The following HSPA12A variants were observed in gnomAD, a reference collection of about 807,000 sequenced individuals.
HSPA12A encodes the protein heat shock protein family A (Hsp70) member 12A, also known as heat shock 70 kDa protein 12A.
Under a neutral mutation model 69.2 loss-of-function variants are expected in HSPA12A, and 28 were observed. That is an observed-to-expected ratio of 0.40 (90% CI 0.30 to 0.55). The LOEUF is 0.55. Ranked by LOEUF, HSPA12A falls within the 20% of genes least tolerant of loss-of-function variation. HSPA12A has a pLI of 0.38. For synonymous variants in HSPA12A, 345 were observed against 370.5 expected (o/e 0.93, Z 0.79); for missense variants, 686 against 900.7 (o/e 0.76, Z 3.05).
chr10:116,834,808 C>T (rs1299295446), intron 2 of HSPA12A: 7 of 417,484 alleles, frequency 1.7e-5, no homozygotes, highest in Non-Finnish European at 2.3e-5. Flanking sequence ...TGGCAAACAT[C>T]TTACACGTGC....
At chr10:116,709,148 C>A (rs1850348409) in intron 1 of HSPA12A, among the ~76,000 whole-genome samples, 1 of 152,142 alleles carries the variant, frequency 6.6e-6, no homozygotes, top group Admixed American at 6.5e-5. Flanking sequence ...CAGTGTCCAA[C>A]AACAGATGAA....
intron 1 of HSPA12A, among the ~76,000 whole-genome samples, chr10:116,718,285 C>T (rs1187023505): frequency 2.0e-5 from 3 of 152,226 alleles, no homozygotes; most frequent in African/African-American, 7.2e-5. Flanking sequence ...AATCTTTCAC[C>T]TCCCAAACAC....
At chr10:116,823,763 C>T (rs1376010014) in intron 2 of HSPA12A, among the ~76,000 whole-genome samples, 1 of 151,846 alleles carries the variant, frequency 6.6e-6, no homozygotes, top group Non-Finnish European at 1.5e-5. Context: ...CACAAAAAGC[C>T]GAAACGTTAA....
At chr10:116,722,295 T>C (rs1211110704) in intron 1 of HSPA12A, among the ~76,000 whole-genome samples, 1 of 152,202 alleles carries the variant, frequency 6.6e-6, no homozygotes, top group Non-Finnish European at 1.5e-5. Context: ...AAGATGTCTG[T>C]GCCCACGGTG....
chr10:116,678,755 T>C (rs1326107803), intron 10 of HSPA12A, among the ~76,000 whole-genome samples: 1 of 152,196 alleles, frequency 6.6e-6, no homozygotes, highest in Non-Finnish European at 1.5e-5. Flanking sequence ...ATTTCTAAGA[T>C]TTGCTTTAAA....
chr10:116,763,206 C>A (rs2133104568), intron 2 of HSPA12A, among the ~76,000 whole-genome samples: 1 of 152,222 alleles, frequency 6.6e-6, no homozygotes, highest in South Asian at 2.1e-4. Context: ...ACTTAGTATT[C>A]AACTTGAACT....
At chr10:116,702,656 T>C (rs1159448774) in intron 3 of HSPA12A, among the ~76,000 whole-genome samples, 2 of 152,172 alleles carry the variant, frequency 1.3e-5, no homozygotes, top group Non-Finnish European at 2.9e-5. Flanking sequence ...ACAAATGGAA[T>C]TGTCATTAAC....
intron 2 of HSPA12A, among the ~76,000 whole-genome samples, chr10:116,795,549 G>C (rs1390406825): frequency 6.6e-6 from 1 of 150,820 alleles, no homozygotes; most frequent in Non-Finnish European, 1.5e-5. Flanking sequence ...AGCCAGGCGT[G>C]GTGGAACGTG....
intron 1 of HSPA12A, among the ~76,000 whole-genome samples, chr10:116,732,733 T>G (rs561231947): frequency 5.1e-4 from 78 of 152,356 alleles, no homozygotes; most frequent in Non-Finnish European, 9.3e-4. Context: ...TAACTCCTGC[T>G]GGAGGGACAA....
intron 1 of HSPA12A, among the ~76,000 whole-genome samples, chr10:116,838,217 A>G (rs577137674): frequency 1.3e-5 from 2 of 151,632 alleles, no homozygotes; most frequent in South Asian, 2.1e-4. Flanking sequence ...AGCTTGGACT[A>G]TCGAGGCTGG....
At chr10:116,776,005 T>TACCTGCCATCCTCTGCGTCC (rs1554891080) in intron 2 of HSPA12A, among the ~76,000 whole-genome samples, 1 of 152,204 alleles carries the variant, frequency 6.6e-6, no homozygotes, top group Non-Finnish European at 1.5e-5. Context: ...GCTTTGGGTC[T>TACCTGCCATCCTCTGCGTCC]ACCTGCCATC....
At position 116,690,829 on chromosome 10, in the gene HSPA12A, A is replaced by G. The variant is rs149079214; in HGVS notation, c.663+1522T>C. Among the ~76,000 whole-genome samples the G allele has an allele frequency of 9.1e-3, 1,379 of 152,126 alleles. 21 individuals carry two copies. The highest frequency in any genetic ancestry group is 0.011 in the Non-Finnish European group (766 of 67,976). On this transcript the variant is annotated intron_variant, in intron 6 of 11. Coordinates refer to ENST00000369209, the MANE Select transcript of HSPA12A (RefSeq NM_025015.3). ...TTTTTTTTTCAGGCTATAAATAAGA[A>G]TTGACCTTTTCGTGGGTCACACATT...
chr10:116,811,929 C>T (rs758817164), intron 2 of HSPA12A, among the ~76,000 whole-genome samples: 35 of 152,202 alleles, frequency 2.3e-4, no homozygotes, highest in Non-Finnish European at 7.3e-5. Context: ...AGCCCTCCCT[C>T]AATGGCGGCG....
At chr10:116,689,138 C>A (rs1849662777) in intron 6 of HSPA12A, among the ~76,000 whole-genome samples, 1 of 152,064 alleles carries the variant, frequency 6.6e-6, no homozygotes, top group Admixed American at 6.6e-5. Context: ...AGCAGAGGCT[C>A]CAGAACTCCA....
intron 2 of HSPA12A, among the ~76,000 whole-genome samples, chr10:116,762,957 C>T (rs1327194205): frequency 6.6e-6 from 1 of 152,186 alleles, no homozygotes; most frequent in African/African-American, 2.4e-5. Context: ...TCATCCTTAT[C>T]TTGAACAAAA....
chr10:116,799,728 C>A (rs1408693889), intron 2 of HSPA12A, among the ~76,000 whole-genome samples: 1 of 152,202 alleles, frequency 6.6e-6, no homozygotes, highest in East Asian at 1.9e-4. Context: ...TGGTCTATCT[C>A]TCCTCAAGAC....
intron 2 of HSPA12A, among the ~76,000 whole-genome samples, chr10:116,804,543 GC>G (rs1443220455): frequency 2.0e-5 from 3 of 151,506 alleles, no homozygotes; most frequent in Admixed American, 6.6e-5. Context: ...TTTACCCCCA[GC>G]CCCCAGCCCC....
chr10:116,773,525 C>T (rs1844261612), intron 2 of HSPA12A, among the ~76,000 whole-genome samples: 1 of 152,234 alleles, frequency 6.6e-6, no homozygotes, highest in Non-Finnish European at 1.5e-5. Flanking sequence ...GCAGTTCTGC[C>T]TCCCTTCTGT....
intron 6 of HSPA12A, 64 bp from the exon 7 acceptor site, chr10:116,684,026 C>CTAG: frequency 7.2e-7 from 1 of 1,381,102 alleles, no homozygotes; most frequent in Non-Finnish European, 9.6e-7. Flanking sequence ...CTAGGACACC[C>CTAG]GTGCCTGGAC....
Sources: allele counts gnomAD v4.1 joint callset (sites outside exome capture counted in the v4.1 genomes callset), GRCh38; gene constraint gnomAD v4.1.1; transcripts MANE v1.5; gene names NCBI Gene and HGNC (gene_info 2026-07-23, HGNC 2026-07-21).